Variants in SUCLG2 observed in about 807,000 individuals in gnomAD.
The protein encoded by SUCLG2 is succinate-CoA ligase GDP-forming subunit beta, also known as succinate--CoA ligase [GDP-forming] subunit beta, mitochondrial.
In SUCLG2, 42 loss-of-function variants were observed where a neutral mutation model predicts 47.9. The ratio of observed to expected loss-of-function variants is 0.88; its 90% CI spans 0.69 to 1.14. The LOEUF is 1.14. SUCLG2 is among the 50% of genes most tolerant of loss of function. The pLI, the probability that SUCLG2 is intolerant of heterozygous loss-of-function variation, is 0.00. For synonymous variants in SUCLG2, 195 were observed against 197.3 expected, an observed-to-expected ratio of 0.99 and a Z score of 0.10; for missense variants, 571 against 525.9, an observed-to-expected ratio of 1.09 and a Z score of -0.84.
At chr3:67,632,968 T>A (rs893376015) in intron 1 of SUCLG2, among the ~76,000 whole-genome samples, 1 of 152,216 alleles carries the variant, frequency 6.6e-6, no homozygotes, top group African/African-American at 2.4e-5. Flanking sequence ...AAAGAACTCA[T>A]TTGATCTTTC....
At chr3:67,581,625 G>C (rs535247200) in intron 2 of SUCLG2, among the ~76,000 whole-genome samples, 2 of 152,190 alleles carry the variant, frequency 1.3e-5, no homozygotes, top group Non-Finnish European at 2.9e-5. Flanking sequence ...TCAAAATCAA[G>C]TTAGGGAGAC....
intron 1 of SUCLG2, among the ~76,000 whole-genome samples, chr3:67,623,333 T>A (rs1700767365): frequency 6.6e-6 from 1 of 152,016 alleles, no homozygotes. Flanking sequence ...ACCCCATCTC[T>A]ACTAAAAATA....
intron 8 of SUCLG2, 100 bp from the exon 9 acceptor site, chr3:67,496,040 C>T (rs1705331784): frequency 7.1e-7 from 1 of 1,398,680 alleles, no homozygotes; most frequent in Non-Finnish European, 9.8e-7. Flanking sequence ...AGAACTCTGT[C>T]ATTGCCAGGC....
chr3:67,410,444 GT>G lies in SUCLG2; in HGVS notation c.1063-9594del, dbSNP rs547617514. Among the ~76,000 whole-genome samples the G allele has an allele frequency of 2.4e-4, 36 of 152,262 alleles. No individual in the cohort carries two copies. In the South Asian group the frequency reaches 7.5e-3, roughly 32 times the overall value. On this transcript the variant is annotated intron_variant, in intron 9 of 10. Coordinates refer to ENST00000307227, the MANE Select transcript of SUCLG2 (RefSeq NM_003848.4). ...TATAAATAGGAAAAGGAGACAAGGA[GT>G]TAAAAGGACTGAAGGGCACAGAGAT...
intron 6 of SUCLG2, among the ~76,000 whole-genome samples, chr3:67,517,718 A>C (rs952509085): frequency 6.6e-6 from 1 of 152,242 alleles, no homozygotes; most frequent in Non-Finnish European, 1.5e-5. Flanking sequence ...TATGCCATCA[A>C]TATTCATTTC....
chr3:67,596,022 G>A (rs937475380), intron 2 of SUCLG2, among the ~76,000 whole-genome samples: 2 of 152,222 alleles, frequency 1.3e-5, no homozygotes, highest in Non-Finnish European at 2.9e-5. Flanking sequence ...TTGTAAATGT[G>A]CCATTGGCAT....
intron 9 of SUCLG2, among the ~76,000 whole-genome samples, chr3:67,473,981 G>C (rs1363125348): frequency 3.9e-5 from 6 of 152,154 alleles, no homozygotes; most frequent in Non-Finnish European, 8.8e-5. Context: ...TAACAGGTCA[G>C]GCATGGTGGC....
chr3:67,430,188 C>T (rs1276876454), intron 9 of SUCLG2, among the ~76,000 whole-genome samples: 1 of 152,088 alleles, frequency 6.6e-6, no homozygotes, highest in Non-Finnish European at 1.5e-5. Flanking sequence ...CAAAATTGAC[C>T]ACAGAGTTGG....
chr3:67,647,762 C>A (rs1553676701), intron 1 of SUCLG2, among the ~76,000 whole-genome samples: 1 of 152,218 alleles, frequency 6.6e-6, no homozygotes, highest in Non-Finnish European at 1.5e-5. Flanking sequence ...TTCATCCCAA[C>A]TGTGGAATCC....
intron 2 of SUCLG2, among the ~76,000 whole-genome samples, chr3:67,570,672 G>A (rs909999695): frequency 8.5e-5 from 13 of 152,108 alleles, no homozygotes; most frequent in African/African-American, 1.2e-4. Context: ...ACTGAGGCTC[G>A]GGTGAGCTTC....
chr3:67,420,829 G>A (rs183114433), intron 9 of SUCLG2, among the ~76,000 whole-genome samples: 5 of 152,250 alleles, frequency 3.3e-5, no homozygotes, highest in Non-Finnish European at 5.9e-5. Context: ...TCTAAAGAAG[G>A]TGCTTGTTGT....
chr3:67,633,085 C>A (rs563253560), intron 1 of SUCLG2, among the ~76,000 whole-genome samples: 1 of 152,270 alleles, frequency 6.6e-6, no homozygotes, highest in African/African-American at 2.4e-5. Flanking sequence ...CTAGAATCCA[C>A]AAGTGTAGGA....
chr3:67,365,567 T>C (rs1020569080), intron 10 of SUCLG2, among the ~76,000 whole-genome samples: 1 of 152,244 alleles, frequency 6.6e-6, no homozygotes, highest in Non-Finnish European at 1.5e-5. Flanking sequence ...GTGCATTTGA[T>C]ATTTTATGCA....
At chr3:67,362,841 T>C (rs1701823846) in intron 10 of SUCLG2, among the ~76,000 whole-genome samples, 1 of 152,188 alleles carries the variant, frequency 6.6e-6, no homozygotes, top group African/African-American at 2.4e-5. Flanking sequence ...ACAGGAAGCC[T>C]GTAATCAGTG....
At position 67,462,266 on chromosome 3, in the gene SUCLG2, C is replaced by T. The variant is rs561056208; in HGVS notation, c.1062+33532G>A. Among the ~76,000 whole-genome samples, 22 of 152,208 alleles carry T rather than the reference C, an allele frequency of 1.4e-4. No homozygotes were observed. In the South Asian group the frequency reaches 4.6e-3, roughly 32 times the overall value. The stretch of plus-strand genomic sequence containing the variant: ...ACTAAAAATATACTCTAATCTCCCC[C>T]CACTTTTCTGATTATGGGTCATTAG... On this transcript the variant is annotated intron_variant, in intron 9 of 10. Coordinates refer to ENST00000307227, the MANE Select transcript of SUCLG2 (RefSeq NM_003848.4).
At chr3:67,594,891 T>G (rs984298400) in intron 2 of SUCLG2, among the ~76,000 whole-genome samples, 3 of 152,220 alleles carry the variant, frequency 2.0e-5, no homozygotes, top group African/African-American at 7.2e-5. Flanking sequence ...GGACATAACT[T>G]TTTTAAAACC....
chr3:67,535,297 G>A (rs2772480), intron 2 of SUCLG2, among the ~76,000 whole-genome samples: 16,087 of 151,952 alleles, frequency 0.11, 1,219 homozygotes, highest in East Asian at 0.23. Context: ...CTTACAAGAG[G>A]AGCTGAGAAA....
At chr3:67,585,982 A>C (rs1201558544) in intron 2 of SUCLG2, among the ~76,000 whole-genome samples, 11 of 48,974 alleles carry the variant, frequency 2.2e-4, no homozygotes, top group African/African-American at 5.0e-4. Flanking sequence ...AAAAAAAAAA[A>C]AAAAAAAAAC....
intron 1 of SUCLG2, among the ~76,000 whole-genome samples, chr3:67,646,111 G>A (rs1278661648): frequency 2.9e-5 from 4 of 138,570 alleles, no homozygotes; most frequent in African/African-American, 1.1e-4. Flanking sequence ...GAGGGGAGGA[G>A]AGGGGAGGGG....
Sources: allele counts gnomAD v4.1 joint callset (sites outside exome capture counted in the v4.1 genomes callset), GRCh38; gene constraint gnomAD v4.1.1; transcripts MANE v1.5; gene names NCBI Gene and HGNC (gene_info 2026-07-23, HGNC 2026-07-21).